The following SLCO1B3 variants were observed in gnomAD, a reference collection of about 807,000 sequenced individuals.
SLCO1B3 encodes liver-specific organic anion transporter 2.
SLCO1B3 carries 72 observed loss-of-function variants against 71.8 expected under a neutral mutation model. The ratio of observed to expected loss-of-function variants is 1.00; its 90% CI spans 0.83 to 1.22. The LOEUF (loss-of-function observed/expected upper bound fraction) is 1.22. Ranked by LOEUF, SLCO1B3 falls within the 50% of genes most tolerant of loss-of-function variation. The pLI is 0.00. For synonymous variants in SLCO1B3, 298 were observed against 278.4 expected (o/e 1.07, Z -0.70); for missense variants, 911 against 819.7 (o/e 1.11, Z -1.36).
chr12:20,866,812 C>T lies in SLCO1B3; in HGVS notation c.727+3958C>T, dbSNP rs144200790. 3.2e-3 allele frequency among the ~76,000 whole-genome samples: 481 copies of T among 152,108 alleles called. 4 individuals carry two copies. Among genetic ancestry groups the T allele is most frequent in the African/African-American group, 0.011 (466 of 41,520 alleles). ...TTTAAGGCAGGAAGGGATAGGCTAA[C>T]GCTGATGTTCTGTGCAAATGCAGTG... On this transcript the variant is annotated intron_variant, in intron 8 of 15. Coordinates refer to ENST00000381545, the MANE Select transcript of SLCO1B3 (RefSeq NM_019844.4).
chr12:20,847,023 A>T (rs867164388), intron 3 of SLCO1B3, among the ~76,000 whole-genome samples: 4 of 152,144 alleles, frequency 2.6e-5, no homozygotes, highest in Admixed American at 6.6e-5. Flanking sequence ...GGAGGTTGGT[A>T]GTTCACAATT....
chr12:20,893,961 C>T (rs571927800), intron 13 of SLCO1B3, among the ~76,000 whole-genome samples: 1 of 152,198 alleles, frequency 6.6e-6, no homozygotes, highest in Admixed American at 6.5e-5. Context: ...AAAGATTTGT[C>T]TCATATACAC....
chr12:20,895,349 A>G (rs762832580), intron 13 of SLCO1B3, among the ~76,000 whole-genome samples: 6 of 152,186 alleles, frequency 3.9e-5, no homozygotes, highest in Non-Finnish European at 7.3e-5. Flanking sequence ...ACTTGTAAAA[A>G]CAAAAGCAAG....
intron 7 of SLCO1B3, 50 bp from the exon 8 acceptor site, chr12:20,862,706 A>T (rs767417918): frequency 6.6e-7 from 1 of 1,511,218 alleles, no homozygotes; most frequent in South Asian, 1.2e-5. Flanking sequence ...ATGTTAAATG[A>T]AAACCAAGTA....
chr12:20,892,178 G>C (rs1197601399), intron 13 of SLCO1B3, among the ~76,000 whole-genome samples: 1 of 151,860 alleles, frequency 6.6e-6, no homozygotes, highest in Non-Finnish European at 1.5e-5. Context: ...AACTTAGATA[G>C]GCTATCTCTC....
At chr12:20,871,397 G>T (rs917874451) in intron 8 of SLCO1B3, among the ~76,000 whole-genome samples, 1 of 152,074 alleles carries the variant, frequency 6.6e-6, no homozygotes, top group South Asian at 2.1e-4. Context: ...TGTTTCACCA[G>T]GATTGTTCCC....
At chr12:20,828,851 A>G (rs989568496) in intron 3 of SLCO1B3, among the ~76,000 whole-genome samples, 1 of 152,186 alleles carries the variant, frequency 6.6e-6, no homozygotes, top group African/African-American at 2.4e-5. Flanking sequence ...TCATGGTGAA[A>G]AAAGGGCAGA....
rs4149117 is a variant in SLCO1B3, at chr12:20,858,546, T to G, written c.334T>G (p.Ser112Ala). The change falls in exon 5 of 16, where the codon TCT becomes GCT. Residue 112 changes from serine to alanine, a missense_variant. Physicochemically the swap from Ser to Ala is moderately conservative, Grantham distance 99. Coordinates refer to ENST00000381545, the MANE Select transcript of SLCO1B3 (RefSeq NM_019844.4). ...LLMGTGSILT[S>A]LPHFFMGYYR... ...TATGGGAACTGGAAGTATTTTGACA[T>G]CTTTACCACATTTCTTCATGGGATA... is the stretch of plus-strand genomic sequence containing the variant. 0.83 allele frequency: 1,329,309 copies of G among 1,603,716 alleles called. 558,931 individuals carry two copies. The highest frequency in any genetic ancestry group is 0.91 in the South Asian group (82,302 of 90,824).
At chr12:20,834,521 A>G (rs535389985) in intron 3 of SLCO1B3, among the ~76,000 whole-genome samples, 139 of 148,228 alleles carry the variant, frequency 9.4e-4, no homozygotes, top group Non-Finnish European at 1.7e-3. Context: ...TATTTATCCT[A>G]TATTTATATA....
intron 8 of SLCO1B3, among the ~76,000 whole-genome samples, chr12:20,871,399 A>C (rs1175496758): frequency 6.6e-6 from 1 of 151,982 alleles, no homozygotes; most frequent in South Asian, 2.1e-4. Flanking sequence ...TTTCACCAGG[A>C]TTGTTCCCTG....
intron 14 of SLCO1B3, 81 bp from the exon 15 acceptor site, chr12:20,901,269 A>G: frequency 1.1e-6 from 1 of 932,252 alleles, no homozygotes; most frequent in Non-Finnish European, 1.6e-6. Context: ...GTATTAATCC[A>G]AAATGTATCA....
At chr12:20,868,668 TAAAAG>T (rs61379713) in intron 8 of SLCO1B3, among the ~76,000 whole-genome samples, 109,494 of 151,436 alleles carry the variant, frequency 0.72, 42,145 homozygotes, top group South Asian at 0.88. Context: ...GACAAAGAGA[TAAAAG>T]AAAAGACCCC....
At chr12:20,911,143 G>A (rs990353195) in intron 15 of SLCO1B3, among the ~76,000 whole-genome samples, 5 of 151,900 alleles carry the variant, frequency 3.3e-5, no homozygotes, top group African/African-American at 1.2e-4. Context: ...TTTAATGAAA[G>A]TTTTTGTTCA....
In SLCO1B3 at chr12:20,861,026, T is replaced by C. The variant is rs768426477; in HGVS notation, c.369T>C (p.Tyr123=). ...LPHFFMGYYR[Y]SKETHINPSE... ...CATGTTGCTCTTACAGTTATAGGTA[T>C]TCTAAAGAAACCCATATTAATCCAT... The change falls in exon 6 of 16, where the codon TAT becomes TAC. Residue 123 remains tyrosine (Y), a synonymous_variant. Coordinates refer to ENST00000381545, the MANE Select transcript of SLCO1B3 (RefSeq NM_019844.4). 1.9e-6 allele frequency: 3 copies of C among 1,582,656 alleles called. No individual in the cohort carries two copies. Among genetic ancestry groups the C allele is most frequent in the Middle Eastern group, 1.7e-4 (1 of 5,944 alleles).
intron 13 of SLCO1B3, among the ~76,000 whole-genome samples, chr12:20,894,796 C>T (rs1396751906): frequency 2.0e-5 from 3 of 152,244 alleles, no homozygotes. Context: ...AAATAAACTT[C>T]CTCCTAAATA....
intron 10 of SLCO1B3, among the ~76,000 whole-genome samples, chr12:20,879,226 T>TTTTG (rs1865640414): frequency 1.4e-5 from 2 of 147,220 alleles, no homozygotes; most frequent in Non-Finnish European, 3.0e-5. Context: ...TTTTTTTTTT[T>TTTTG]GAGATGGAGT....
chr12:20,817,901 C>T (rs1245369434), intron 3 of SLCO1B3, among the ~76,000 whole-genome samples: 1 of 152,086 alleles, frequency 6.6e-6, no homozygotes, highest in African/African-American at 2.4e-5. Flanking sequence ...TCTGTAGTCA[C>T]TCTTCTAGAG....
chr12:20,845,307 AACAATGAGTAG>A lies in SLCO1B3; in HGVS notation c.85-9719_85-9709del. ...TTAGTGAAAAGGTTTGACCCTGATC[AACAATGAGTAG>A]AAACATCATCAGTCCTTAATGTCTT... On this transcript the variant is annotated intron_variant, in intron 3 of 15. Transcript: ENST00000381545. 1.9e-4 allele frequency: 4 copies of A among 20,664 alleles called. No homozygotes were observed. The South Asian group carries it at 0.017, about 87-fold the overall frequency. 1.3% of individuals were successfully genotyped at this position (20,664 alleles called of 1,614,324 possible).
chr12:20,893,639 G>T (rs1027877481), intron 13 of SLCO1B3, among the ~76,000 whole-genome samples: 3 of 152,164 alleles, frequency 2.0e-5, no homozygotes, highest in Non-Finnish European at 4.4e-5. Flanking sequence ...GAACAAGAAA[G>T]TGAAAGGGCT....
Sources: allele counts gnomAD v4.1 joint callset (sites outside exome capture counted in the v4.1 genomes callset), GRCh38; gene constraint gnomAD v4.1.1; transcripts MANE v1.5; gene names NCBI Gene and HGNC (gene_info 2026-07-23, HGNC 2026-07-21).